The following RABGEF1 variants were observed in gnomAD, a reference collection of about 807,000 sequenced individuals.
RABGEF1 encodes rab5 GDP/GTP exchange factor.
In RABGEF1, 26 loss-of-function variants were observed where a neutral mutation model predicts 57.3. The ratio of observed to expected loss-of-function variants is 0.45; its 90% confidence interval spans 0.33 to 0.63. The LOEUF (loss-of-function observed/expected upper bound fraction) is 0.63, where lower values mean the gene tolerates loss of function less well. Among genes scored for constraint, RABGEF1 ranks in the 20% least tolerant of loss-of-function variants. RABGEF1 has a pLI of 0.02. For missense variants in RABGEF1, 464 were observed against 607.6 expected, an observed-to-expected ratio of 0.76 and a Z score of 2.48; for synonymous variants, 185 against 210.7, an observed-to-expected ratio of 0.88 and a Z score of 1.06.
chr7:66,765,122 C>T (rs1805372294), intron 1 of RABGEF1, among the ~76,000 whole-genome samples: 1 of 151,242 alleles, frequency 6.6e-6, no homozygotes, highest in African/African-American at 2.4e-5. Context: ...GTGCACAGGT[C>T]CTATGAGGCT....
At chr7:66,668,799 A>G in the RABGEF1 span, 1 of 152,432 alleles carries the variant, frequency 6.6e-6, no homozygotes, top group African/African-American at 2.4e-5. Flanking sequence ...CGCAGATGCC[A>G]TGGCGGGAAG....
intron 2 of RABGEF1, among the ~76,000 whole-genome samples, chr7:66,723,626 G>C (rs1796282291): frequency 6.6e-6 from 1 of 151,872 alleles, no homozygotes; most frequent in African/African-American, 2.4e-5. Context: ...TGTTGCCCAG[G>C]CTTGAGTGTA....
At chr7:66,755,104 C>G (rs1371893057) in intron 1 of RABGEF1, among the ~76,000 whole-genome samples, 3 of 152,174 alleles carry the variant, frequency 2.0e-5, no homozygotes, top group Admixed American at 2.0e-4. Context: ...ACCATCCTGG[C>G]TAACACAGTA....
chr7:66,687,513 AAAGAAG>A (rs1052099524), intron 1 of RABGEF1, among the ~76,000 whole-genome samples: 2 of 151,954 alleles, frequency 1.3e-5, no homozygotes, highest in Non-Finnish European at 2.9e-5. Flanking sequence ...AGAAAAAAGA[AAAGAAG>A]AAGAAGAATA....
rs1366294278 is a variant in RABGEF1 at position 66,802,780 on chromosome 7, C to G, written c.821-2360C>G. Among the ~76,000 whole-genome samples the G allele has an allele frequency of 2.6e-5, 4 of 152,184 alleles. No individual in the cohort carries two copies. In the East Asian group the frequency reaches 7.7e-4, roughly 29 times the overall value. ...TTCTCCTTTTCCTTCCCTTCTCTCC[C>G]TTTTTCCACCCCAGCCCTGCCTTAT... On this transcript the variant is annotated intron_variant, in intron 7 of 8. Coordinates refer to ENST00000284957, the MANE Select transcript of RABGEF1 (RefSeq NM_014504.3).
chr7:66,744,216 G>C (rs1270144390), intron 1 of RABGEF1, among the ~76,000 whole-genome samples: 1 of 151,454 alleles, frequency 6.6e-6, no homozygotes, highest in African/African-American at 2.4e-5. Context: ...GCTAATTACT[G>C]CTATCTTGTA....
chr7:66,700,487 C>CGGAGTGGGAGGAGGGTAGTTGGGG (rs1554306416), intron 1 of RABGEF1, among the ~76,000 whole-genome samples: 4 of 137,200 alleles, frequency 2.9e-5, no homozygotes, highest in Admixed American at 7.3e-5. Flanking sequence ...AAGCGGGCCC[C>CGGAGTGGGAGGAGGGTAGTTGGGG]GGAGGGGGAG....
intron 1 of RABGEF1, among the ~76,000 whole-genome samples, chr7:66,688,432 A>G (rs190044089): frequency 6.6e-6 from 1 of 152,344 alleles, no homozygotes; most frequent in Admixed American, 6.5e-5. Context: ...ACATTTACAG[A>G]TACCCACCCA....
At chr7:66,675,527 C>G in the RABGEF1 span, among the ~76,000 whole-genome samples, 1 of 152,056 alleles carries the variant, frequency 6.6e-6, no homozygotes, top group Admixed American at 6.6e-5. Flanking sequence ...AAATCATGAA[C>G]AAGACAAGGA....
chr7:66,763,267 C>T (rs569895542), intron 1 of RABGEF1, among the ~76,000 whole-genome samples: 19 of 152,320 alleles, frequency 1.2e-4, no homozygotes, highest in African/African-American at 3.4e-4. Flanking sequence ...AAGCATCGGC[C>T]AGCCTGGGTT....
At chr7:66,715,727 A>G (rs1275019555) in intron 2 of RABGEF1, among the ~76,000 whole-genome samples, 1 of 152,152 alleles carries the variant, frequency 6.6e-6, no homozygotes. Context: ...CCAAGGACAT[A>G]ATCTTAGTGA....
At chr7:66,780,670 T>C (rs1192364142) in intron 3 of RABGEF1, among the ~76,000 whole-genome samples, 2 of 152,184 alleles carry the variant, frequency 1.3e-5, no homozygotes, top group African/African-American at 4.8e-5. Flanking sequence ...TGTGAATTTG[T>C]TTCTCCTTTC....
At chr7:66,661,862 C>A in the RABGEF1 span, among the ~76,000 whole-genome samples, 1 of 152,150 alleles carries the variant, frequency 6.6e-6, no homozygotes, top group African/African-American at 2.4e-5. Flanking sequence ...TTAAAAAATT[C>A]TTAAGAAAAC....
chr7:66,688,471 G>A (rs561831414), intron 1 of RABGEF1, among the ~76,000 whole-genome samples: 3 of 152,270 alleles, frequency 2.0e-5, no homozygotes, highest in African/African-American at 7.2e-5. Context: ...TTCTTTTCAA[G>A]AGCATGTGGG....
chr7:66,798,453 C>T (rs1786532468), intron 6 of RABGEF1, among the ~76,000 whole-genome samples: 1 of 152,202 alleles, frequency 6.6e-6, no homozygotes, highest in Non-Finnish European at 1.5e-5. Flanking sequence ...GGAGTTGATA[C>T]TGGGCAGGCT....
chr7:66,753,452 A>G (rs1419619562), intron 1 of RABGEF1, among the ~76,000 whole-genome samples: 1 of 152,206 alleles, frequency 6.6e-6, no homozygotes, highest in African/African-American at 2.4e-5. Flanking sequence ...AAAATATTAC[A>G]GGCATACTTT....
At chr7:66,689,229 T>G (rs1791162201) in intron 1 of RABGEF1, among the ~76,000 whole-genome samples, 1 of 150,060 alleles carries the variant, frequency 6.7e-6, no homozygotes, top group African/African-American at 2.5e-5. Context: ...TGAAAATAAA[T>G]AAAGAATAGG....
the RABGEF1 span, among the ~76,000 whole-genome samples, chr7:66,657,775 A>G: frequency 1.3e-5 from 2 of 152,090 alleles, no homozygotes; most frequent in Non-Finnish European, 2.9e-5. Context: ...GAGCCGAGAT[A>G]GCACCACTGC....
chr7:66,737,769 G>C (rs1205723327), upstream of RABGEF1, among the ~76,000 whole-genome samples: 1 of 152,132 alleles, frequency 6.6e-6, no homozygotes, highest in Non-Finnish European at 1.5e-5. Context: ...GAGGTGGGAG[G>C]ATTGGTTGAG....
Sources: allele counts gnomAD v4.1 joint callset (sites outside exome capture counted in the v4.1 genomes callset), GRCh38; gene constraint gnomAD v4.1.1; transcripts MANE v1.5; gene names NCBI Gene and HGNC (gene_info 2026-07-23, HGNC 2026-07-21).